CGGBP1: variants seen among roughly 807,000 people sequenced by gnomAD.
CGGBP1 encodes the protein CGG triplet repeat-binding protein 1.
A neutral mutation model predicts 11.4 loss-of-function variants in CGGBP1; 4 were observed. The observed-to-expected ratio is 0.35, with a 90% CI of 0.17 to 0.80. The LOEUF (loss-of-function observed/expected upper bound fraction) is 0.80. Ranked by LOEUF, CGGBP1 falls within the 30% of genes least tolerant of loss-of-function variation. CGGBP1 has a pLI of 0.52. For synonymous variants in CGGBP1, 76 were observed against 74.1 expected, an observed-to-expected ratio of 1.03 and a Z score of -0.13; for missense variants, 135 against 202.1, an observed-to-expected ratio of 0.67 and a Z score of 2.01.
At chr3:88,072,082 T>C (rs1283482440) in intron 2 of CGGBP1, among the ~76,000 whole-genome samples, 1 of 152,196 alleles carries the variant, frequency 6.6e-6, no homozygotes, top group African/African-American at 2.4e-5. Flanking sequence ...GGTATTCCTT[T>C]AAGAAAATAA....
At chr3:88,143,791 T>C (rs1167394782) in intron 1 of CGGBP1, 5 of 151,974 alleles carry the variant, frequency 3.3e-5, no homozygotes, top group Non-Finnish European at 7.4e-5. Flanking sequence ...TCAAGGAATG[T>C]TTTATAAAAT....
intron 2 of CGGBP1, among the ~76,000 whole-genome samples, chr3:88,132,262 G>T (rs1335146938): frequency 1.3e-5 from 2 of 152,050 alleles, no homozygotes; most frequent in African/African-American, 4.8e-5. Context: ...GTATTGTAAG[G>T]GTGACTGACG....
intron 2 of CGGBP1, chr3:88,129,028 T>C: frequency 1.3e-6 from 2 of 1,517,504 alleles, no homozygotes; most frequent in Non-Finnish European, 1.8e-6. Context: ...TTTGAGACTA[T>C]TTTTGCCTAT....
At position 88,140,430 on chromosome 3, in the gene CGGBP1, T is replaced by G. The variant is rs61730544; in HGVS notation, c.-229+540A>C. On this transcript the variant is annotated intron_variant, in intron 2 of 3. Transcript: ENST00000462901. ...TTCTACTAGCAAATCAAGGAAAGAG[T>G]CTACAGAACCAAAGACATGTATAGA... The G allele has an allele frequency of 0.015, 23,746 of 1,612,950 alleles. 2,095 individuals are homozygous for G. In the Admixed American group the frequency reaches 0.23, roughly 16 times the overall value.
chr3:88,090,175 A>G (rs1206851992), intron 2 of CGGBP1, among the ~76,000 whole-genome samples: 2 of 152,202 alleles, frequency 1.3e-5, no homozygotes, highest in Non-Finnish European at 2.9e-5. Context: ...TAACTGTAAA[A>G]CAGCCACAGG....
At position 88,130,209 on chromosome 3, in the gene CGGBP1, C is replaced by T. The variant is rs138886867; in HGVS notation, c.-229+10761G>A. Among the ~76,000 whole-genome samples the T allele has an allele frequency of 2.4e-4, 37 of 152,178 alleles. 1 individual carries two copies. In the East Asian group the frequency reaches 7.1e-3, roughly 29 times the overall value. ...AGGTAGCTAAAATAAAAACACTCTT[C>T]AGGGGCTATTAAGAATTTCTGTTTC... is the stretch of plus-strand genomic sequence containing the variant. On this transcript the variant is annotated intron_variant, in intron 2 of 3. Coordinates refer to the CGGBP1 transcript ENST00000462901.
chr3:88,145,917 G>T (rs1707305072), intron 1 of CGGBP1, among the ~76,000 whole-genome samples: 1 of 152,166 alleles, frequency 6.6e-6, no homozygotes, highest in Admixed American at 6.5e-5. Flanking sequence ...TGCAGAGGGT[G>T]ACTGAAAAAT....
chr3:88,146,075 T>G (rs777601201), intron 1 of CGGBP1, among the ~76,000 whole-genome samples: 1 of 152,188 alleles, frequency 6.6e-6, no homozygotes. Flanking sequence ...GGTAGAGATA[T>G]CTGGTTGATG....
chr3:88,116,561 T>TACACACACACACACAC (rs61470020), intron 2 of CGGBP1, among the ~76,000 whole-genome samples: 11 of 151,032 alleles, frequency 7.3e-5, no homozygotes, highest in African/African-American at 2.4e-4. Flanking sequence ...TACATATATA[T>TACACACACACACACAC]ACACACACAC....
intron 2 of CGGBP1, among the ~76,000 whole-genome samples, chr3:88,134,697 T>A (rs1706667174): frequency 1.3e-5 from 2 of 152,118 alleles, no homozygotes; most frequent in Admixed American, 1.3e-4. Flanking sequence ...TACAACATTG[T>A]TTTCTAAATT....
At chr3:88,123,756 A>T (rs1705921812) in intron 2 of CGGBP1, among the ~76,000 whole-genome samples, 1 of 152,212 alleles carries the variant, frequency 6.6e-6, no homozygotes, top group African/African-American at 2.4e-5. Context: ...CCCAGGACTG[A>T]GCAGCAGAAC....
At chr3:88,083,053 C>CTCTTCCTCCCTCT (rs2107651710) in intron 2 of CGGBP1, among the ~76,000 whole-genome samples, 1 of 152,024 alleles carries the variant, frequency 6.6e-6, no homozygotes, top group East Asian at 1.9e-4. Context: ...CTCCTCCTCC[C>CTCTTCCTCCCTCT]TCTTCCTCCC....
upstream of CGGBP1, chr3:88,059,189 G>A: frequency 1.4e-6 from 2 of 1,436,948 alleles, no homozygotes. Context: ...GTAGAGCCCA[G>A]CCGAGAGGCC....
At chr3:88,131,088 C>G (rs748099425) in intron 2 of CGGBP1, among the ~76,000 whole-genome samples, 1 of 152,132 alleles carries the variant, frequency 6.6e-6, no homozygotes, top group Non-Finnish European at 1.5e-5. Context: ...ATGGTATATC[C>G]TACTGCACAT....
intron 2 of CGGBP1, among the ~76,000 whole-genome samples, chr3:88,107,750 C>G (rs978669048): frequency 1.3e-5 from 2 of 152,070 alleles, no homozygotes; most frequent in Non-Finnish European, 2.9e-5. Flanking sequence ...ATCTAATCAT[C>G]CATAAGATCT....
upstream of CGGBP1, among the ~76,000 whole-genome samples, chr3:88,063,434 G>A (rs1367615): frequency 0.94 from 142,540 of 152,202 alleles, 67,338 homozygotes; most frequent in Non-Finnish European, 1. Flanking sequence ...TTTGTCCCAT[G>A]GTATTATAAA....
At chr3:88,128,904 A>G in intron 2 of CGGBP1, 1 of 1,535,648 alleles carries the variant, frequency 6.5e-7, no homozygotes, top group Non-Finnish European at 8.7e-7. Flanking sequence ...AATGGCTCTT[A>G]TTAAATCTTG....
intron 2 of CGGBP1, among the ~76,000 whole-genome samples, chr3:88,124,108 A>G (rs1195092900): frequency 6.6e-6 from 1 of 152,222 alleles, no homozygotes; most frequent in Non-Finnish European, 1.5e-5. Context: ...CTAAAATAAG[A>G]TATTTATTCG....
At chr3:88,057,941 G>C (rs1242632475) in intron 2 of CGGBP1, 78 bp downstream of exon 2, 3 of 152,170 alleles carry the variant, frequency 2.0e-5, no homozygotes, top group African/African-American at 7.2e-5. Context: ...GCAGGAATTA[G>C]CCAACAAAAG....
Sources: gnomAD v4.1 joint callset for allele counts (sites outside exome capture counted in the v4.1 genomes callset) on GRCh38, gnomAD v4.1.1 for gene constraint, MANE v1.5 for transcripts, NCBI Gene and HGNC (gene_info 2026-07-23, HGNC 2026-07-21) for gene names.